XPO4: variants seen among roughly 807,000 people sequenced by gnomAD.
XPO4 encodes exportin-4.
In XPO4, 39 loss-of-function variants were observed where a neutral mutation model predicts 143.0. The observed-to-expected ratio is 0.27, with a 90% confidence interval of 0.21 to 0.36. The LOEUF (loss-of-function observed/expected upper bound fraction) is 0.36. XPO4 is among the 10% of genes least tolerant of loss of function. The pLI is 1.00. For synonymous variants in XPO4, 439 were observed against 474.0 expected, an observed-to-expected ratio of 0.93 and a Z score of 0.96; for missense variants, 907 against 1,348.0, an observed-to-expected ratio of 0.67 and a Z score of 5.12.
In XPO4 at chr13:20,797,035, C is replaced by T; in HGVS notation, c.2345G>A (p.Arg782Gln). ...TTCTTGGTTTATCACTCTTAAGAAT[C>T]GCTGCTGAAGTGGCTGAAGAACCTA... ...WTEVLQPLQQ[R>Q]FLRVINQENF... The change falls in exon 17 of 23, where the codon CGA becomes CAA. Residue 782 changes from arginine to glutamine, a missense_variant. Physicochemically the swap from Arg to Gln is conservative, Grantham distance 43 (BLOSUM62 1). Transcript: ENST00000255305. The T allele has an allele frequency of 1.9e-6, 3 of 1,604,182 alleles. No individual in the cohort carries two copies. The highest frequency in any genetic ancestry group is 2.6e-6 in the Non-Finnish European group (3 of 1,174,904).
At chr13:20,822,016 A>C in intron 8 of XPO4, 116 bp downstream of exon 8, 1 of 1,393,742 alleles carries the variant, frequency 7.2e-7, no homozygotes, top group Non-Finnish European at 9.6e-7. Context: ...CAAATTACCC[A>C]TATGACTTTA....
intron 1 of XPO4, among the ~76,000 whole-genome samples, chr13:20,874,270 G>A (rs973949824): frequency 1.3e-5 from 2 of 152,136 alleles, no homozygotes; most frequent in Non-Finnish European, 2.9e-5. Flanking sequence ...TGGCATTACT[G>A]GTAGATATGA....
Position 20,777,429 on chromosome 13 carries a change from A to G in XPO4, c.*6293T>C, listed in dbSNP as rs1271197069. ...GGAGGAACACTTATAAACTCATGAT[A>G]TGGATAACAGACCTGTGGAAATTAA... On this transcript the variant is annotated 3_prime_UTR_variant, in exon 23 of 23. Coordinates refer to ENST00000255305, the MANE Select transcript of XPO4 (RefSeq NM_022459.5). 1 of 152,212 alleles carries G rather than the reference A, an allele frequency of 6.6e-6. No homozygotes were observed. Among genetic ancestry groups the G allele is most frequent in the Non-Finnish European group, 1.5e-5 (1 of 68,030 alleles). 9.4% of individuals were successfully genotyped at this position (152,212 alleles called of 1,614,324 possible).
chr13:20,801,087 C>A (rs955797203), intron 13 of XPO4, 97 bp from the exon 14 acceptor site: 2 of 1,402,270 alleles, frequency 1.4e-6, no homozygotes, highest in Non-Finnish European at 1.9e-6. Flanking sequence ...TCTTTCAGTT[C>A]TCTGGATTTA....
chr13:20,821,567 G>T, intron 9 of XPO4, 137 bp downstream of exon 9: 2 of 909,726 alleles, frequency 2.2e-6, no homozygotes, highest in Non-Finnish European at 1.5e-6. Flanking sequence ...CAAATAATTT[G>T]CACATCTAAA....
intron 9 of XPO4, among the ~76,000 whole-genome samples, chr13:20,810,382 A>G (rs949898806): frequency 2.0e-5 from 3 of 152,226 alleles, no homozygotes; most frequent in African/African-American, 7.2e-5. Flanking sequence ...GCTCCTTAAC[A>G]AGAAATAACT....
At position 20,896,411 on chromosome 13, in the gene XPO4, C is replaced by T. The variant is rs187006098; in HGVS notation, c.69+6259G>A. Among the ~76,000 whole-genome samples, 203 of 152,290 alleles carry T rather than the reference C, an allele frequency of 1.3e-3. 1 individual carries two copies. Among genetic ancestry groups the T allele is most frequent in the African/African-American group, 4.7e-3 (194 of 41,578 alleles). ...TCATTTAATTCAGCTCTTTTATATT[C>T]TGCAAATAAGCTGTATCATGTTCTT... is the stretch of plus-strand genomic sequence containing the variant. On this transcript the variant is annotated intron_variant, in intron 1 of 22. Transcript: ENST00000255305.
intron 22 of XPO4, among the ~76,000 whole-genome samples, chr13:20,786,540 A>G (rs989943686): frequency 1.3e-5 from 2 of 152,130 alleles, no homozygotes; most frequent in Non-Finnish European, 2.9e-5. Context: ...ATGAAATAAT[A>G]TACTGTTTTC....
Position 20,777,464 on chromosome 13 carries a change from T to G in XPO4, c.*6258A>C, listed in dbSNP as rs2059100898. The G allele has an allele frequency of 6.6e-6, 1 of 152,240 alleles. No homozygotes were observed. Among genetic ancestry groups the G allele is most frequent in the Admixed American group, 6.5e-5 (1 of 15,278 alleles). The allele number at this position is 152,240 out of a possible 1,614,324, so 9.4% of individuals were successfully genotyped here. A position where few individuals can be genotyped will look rare whatever the true frequency, so the allele number is the denominator to read the frequency against. On this transcript the variant is annotated 3_prime_UTR_variant, in exon 23 of 23. Coordinates refer to ENST00000255305, the MANE Select transcript of XPO4 (RefSeq NM_022459.5). ...GACCTGTGGAAATTAATGTAAGCCC[T>G]AAGCAGCTTAGTTAGACATTGAATC...
chr13:20,799,121 A>T (rs772599761), intron 16 of XPO4, 44 bp downstream of exon 16: 11 of 1,514,012 alleles, frequency 7.3e-6, no homozygotes, highest in Non-Finnish European at 9.8e-6. Flanking sequence ...AAGGAACTAC[A>T]GAGTTACACA....
intron 1 of XPO4, among the ~76,000 whole-genome samples, chr13:20,893,689 G>C (rs984832336): frequency 1.3e-5 from 2 of 151,306 alleles, no homozygotes; most frequent in African/African-American, 4.9e-5. Context: ...CTGGGAGGCG[G>C]AGGTTGCGGA....
At chr13:20,870,489 G>A (rs1015765768) in intron 1 of XPO4, among the ~76,000 whole-genome samples, 3 of 151,826 alleles carry the variant, frequency 2.0e-5, no homozygotes, top group Admixed American at 1.3e-4. Flanking sequence ...GGTGGCTCAT[G>A]CCCGTAATCC....
chr13:20,897,043 C>T (rs1266962383), intron 1 of XPO4, among the ~76,000 whole-genome samples: 9 of 152,118 alleles, frequency 5.9e-5, no homozygotes, highest in African/African-American at 9.7e-5. Flanking sequence ...GAATTTGAAA[C>T]ATAAATTTCC....
At chr13:20,851,778 T>C (rs766756072) in intron 4 of XPO4, 8 of 984,694 alleles carry the variant, frequency 8.1e-6, no homozygotes, top group African/African-American at 1.8e-5. Context: ...AAAAAAAACT[T>C]TGGAGTCTTT....
chr13:20,870,492 C>T (rs998036733), intron 1 of XPO4, among the ~76,000 whole-genome samples: 9 of 151,386 alleles, frequency 5.9e-5, no homozygotes, highest in African/African-American at 1.9e-4. Flanking sequence ...GGCTCATGCC[C>T]GTAATCCCAA....
At position 20,854,298 on chromosome 13, in the gene XPO4, C is replaced by T. The variant is rs375946381; in HGVS notation, c.456+1329G>A. Among the ~76,000 whole-genome samples the T allele has an allele frequency of 3.3e-5, 5 of 152,038 alleles. No individual in the cohort carries two copies. The East Asian group carries it at 5.8e-4, about 18-fold the overall frequency. On this transcript the variant is annotated intron_variant, in intron 4 of 22. Coordinates refer to ENST00000255305, the MANE Select transcript of XPO4 (RefSeq NM_022459.5). ...CAGATGGCTGGGAGAGTGAGTTGAG[C>T]GCATAGCTGTGTGCGGTGAAAAGTG...
intron 3 of XPO4, among the ~76,000 whole-genome samples, chr13:20,856,012 G>A (rs990501922): frequency 6.6e-6 from 1 of 152,130 alleles, no homozygotes; most frequent in African/African-American, 2.4e-5. Context: ...TCTGTAAAAT[G>A]AGAATAACAC....
chr13:20,901,886 T>C (rs1380511936), intron 1 of XPO4, among the ~76,000 whole-genome samples: 3 of 152,240 alleles, frequency 2.0e-5, no homozygotes, highest in South Asian at 4.1e-4. Flanking sequence ...ATAGAAACAC[T>C]GTTTACTAAC....
At chr13:20,867,507 T>C (rs1258205524) in intron 2 of XPO4, among the ~76,000 whole-genome samples, 2 of 152,178 alleles carry the variant, frequency 1.3e-5, no homozygotes, top group African/African-American at 4.8e-5. Flanking sequence ...GCAAATGGTA[T>C]CGTTATTGCC....
Sources: allele counts gnomAD v4.1 joint callset (sites outside exome capture counted in the v4.1 genomes callset), GRCh38; gene constraint gnomAD v4.1.1; transcripts MANE v1.5; gene names NCBI Gene and HGNC (gene_info 2026-07-23, HGNC 2026-07-21).